NCAPG: variants seen among roughly 807,000 people sequenced by gnomAD.
NCAPG encodes non-SMC condensin I complex subunit G, also known as condensin complex subunit 3.
A neutral mutation model predicts 113.1 loss-of-function variants in NCAPG; 69 were observed. That is an observed-to-expected ratio of 0.61 (90% CI 0.50 to 0.75). NCAPG has a LOEUF of 0.75. Ranked by LOEUF, NCAPG falls within the 30% of genes least tolerant of loss-of-function variation. The pLI, the probability that NCAPG is intolerant of heterozygous loss-of-function variation, is 0.00. For synonymous variants in NCAPG, 370 were observed against 415.8 expected, an observed-to-expected ratio of 0.89 and a Z score of 1.34; for missense variants, 1,058 against 1,177.0, an observed-to-expected ratio of 0.90 and a Z score of 1.48.
At chr4:17,836,782 C>CT (rs1722114322) in intron 14 of NCAPG, among the ~76,000 whole-genome samples, 1 of 152,156 alleles carries the variant, frequency 6.6e-6, no homozygotes, top group Non-Finnish European at 1.5e-5. Flanking sequence ...GGAGCTTTTG[C>CT]TTATAGATAG....
rs1424298788 is a variant in NCAPG at position 17,844,412 on chromosome 4, G to T, written c.*987G>T. ...CTTTTTTTAGGCTTATCATCTACTA[G>T]AGGCCATTTACTTAAGGTGAAATTT... On this transcript the variant is annotated 3_prime_UTR_variant, in exon 21 of 21. Transcript: ENST00000251496. 1 of 152,292 alleles carries T rather than the reference G, an allele frequency of 6.6e-6. No individual in the cohort carries two copies. Among genetic ancestry groups the T allele is most frequent in the African/African-American group, 2.4e-5 (1 of 41,378 alleles). 9.4% of individuals were successfully genotyped at this position (152,292 alleles called of 1,614,324 possible). A position where few individuals can be genotyped will look rare whatever the true frequency, so the allele number is the denominator to read the frequency against.
At chr4:17,842,460 C>A (rs975322716) in intron 20 of NCAPG, 81 bp downstream of exon 20, 9 of 1,093,324 alleles carry the variant, frequency 8.2e-6, no homozygotes, top group South Asian at 1.3e-5. Context: ...AATTTTCTTG[C>A]GAATGAGAGA....
intron 5 of NCAPG, among the ~76,000 whole-genome samples, chr4:17,815,906 T>G (rs1200886487): frequency 1.3e-5 from 2 of 152,120 alleles, no homozygotes; most frequent in Non-Finnish European, 2.9e-5. Context: ...TACTTAAGTC[T>G]GTAGAGCTAA....
intron 11 of NCAPG, among the ~76,000 whole-genome samples, chr4:17,825,991 A>G (rs1232976282): frequency 6.6e-6 from 1 of 152,080 alleles, no homozygotes; most frequent in African/African-American, 2.4e-5. Context: ...TTTAAAGCTA[A>G]ATTACTTTTG....
intron 3 of NCAPG, among the ~76,000 whole-genome samples, chr4:17,814,517 AG>A (rs1721117703): frequency 1.3e-5 from 2 of 152,256 alleles, no homozygotes; most frequent in African/African-American, 4.8e-5. Context: ...TGGATTGCAG[AG>A]GTGTGGCCTC....
Position 17,812,920 on chromosome 4 carries a change from C to T in NCAPG, c.319C>T (p.His107Tyr). Reference sequence around the variant, plus strand: ...TTTTGATTTGTTTCTGTTTTAGTCTCATGAAGCAAACAGCAATGCAGTGAG... The same window carrying T: ...TTTTGATTTGTTTCTGTTTTAGTCTTATGAAGCAAACAGCAATGCAGTGAG... ...NYLFTFLLKS[H>Y]EANSNAVRFR... Residue 107 changes from histidine to tyrosine, a missense_variant, in exon 3 of 21, where the codon CAT (histidine) becomes TAT (tyrosine). Transcript: ENST00000251496. 1 of 1,613,242 alleles carries T rather than the reference C, an allele frequency of 6.2e-7. No homozygotes were observed. Among genetic ancestry groups the T allele is most frequent in the Non-Finnish European group, 8.5e-7 (1 of 1,179,484 alleles).
rs1201388046 is a variant in NCAPG, at chr4:17,839,827, A to G, written c.2618A>G (p.Glu873Gly). 7.0e-6 allele frequency: 11 copies of G among 1,581,274 alleles called. No homozygotes were observed. Among genetic ancestry groups the G allele is most frequent in the Non-Finnish European group, 9.4e-6 (11 of 1,172,244 alleles). ...AAAGATCTTCTGGTTCTATTGAATG[A>G]GATTCTGGAGGTAAAGTAGTTTCTC... ...LAKDLLVLLN[E>G]ILEQVKDRTC... Residue 873 changes from glutamate to glycine, a missense_variant, in exon 17 of 21, where the codon GAG becomes GGG. By Grantham distance (98) the Glu-to-Gly change is moderately conservative. Transcript: ENST00000251496.
chr4:17,837,139 A>T lies in NCAPG; in HGVS notation c.2110-20A>T. The stretch of plus-strand genomic sequence containing the variant: ...AGGAGATACAAATAAATTTCTTCTA[A>T]TGAATGTCATCTTTGTTAGGTATCT... On this transcript the variant is annotated intron_variant, in intron 14 of 20. Coordinates refer to ENST00000251496, the MANE Select transcript of NCAPG (RefSeq NM_022346.5). 6.2e-7 allele frequency: 1 copy of T among 1,608,340 alleles called. No individual in the cohort carries two copies. The highest frequency in any genetic ancestry group is 8.5e-7 in the Non-Finnish European group (1 of 1,176,882).
At chr4:17,822,025 G>A (rs1721475848) in intron 7 of NCAPG, among the ~76,000 whole-genome samples, 1 of 152,018 alleles carries the variant, frequency 6.6e-6, no homozygotes, top group African/African-American at 2.4e-5. Context: ...GGTGTATACA[G>A]AGATTAGTAG....
chr4:17,812,159 T>C (rs980762319), intron 1 of NCAPG, 62 bp from the exon 2 acceptor site: 1 of 1,205,696 alleles, frequency 8.3e-7, no homozygotes, highest in Admixed American at 1.9e-5. Flanking sequence ...AGTCTTAGGG[T>C]GATGTTGGGA....
At chr4:17,813,442 ATCTT>A (rs1721077263) in intron 3 of NCAPG, 1 of 192,756 alleles carries the variant, frequency 5.2e-6, no homozygotes, top group South Asian at 1.4e-4. Flanking sequence ...ACATATGTCT[ATCTT>A]AATGTTTTCC....
At chr4:17,812,088 T>C (rs1395371) in intron 1 of NCAPG, 133 bp from the exon 2 acceptor site, 135,986 of 705,774 alleles carry the variant, frequency 0.19, 16,017 homozygotes, top group East Asian at 0.49. Flanking sequence ...GTTTGGATAA[T>C]TAAGAGTTTA....
chr4:17,820,756 C>A (rs537313021), intron 7 of NCAPG, among the ~76,000 whole-genome samples: 1 of 152,054 alleles, frequency 6.6e-6, no homozygotes, highest in Non-Finnish European at 1.5e-5. Context: ...AAAATTGTTT[C>A]CTGATAATCT....
intron 7 of NCAPG, among the ~76,000 whole-genome samples, chr4:17,821,357 G>A (rs1358603648): frequency 6.6e-6 from 1 of 151,438 alleles, no homozygotes; most frequent in Non-Finnish European, 1.5e-5. Flanking sequence ...AGAAATTTAT[G>A]AGCTTTTATT....
At chr4:17,827,652 A>G (rs1298618184) in intron 11 of NCAPG, among the ~76,000 whole-genome samples, 5 of 152,102 alleles carry the variant, frequency 3.3e-5, no homozygotes, top group African/African-American at 1.2e-4. Flanking sequence ...GTTGAGTTTG[A>G]GGAAACTGTG....
Position 17,814,854 on chromosome 4 carries a change from A to G in NCAPG, c.546A>G (p.Ala182=), listed in dbSNP as rs1368547863. The G allele has an allele frequency of 3.7e-6, 6 of 1,613,496 alleles. No individual in the cohort carries two copies. Among genetic ancestry groups the G allele is most frequent in the Admixed American group, 1.7e-5 (1 of 59,986 alleles). The change falls in exon 4 of 21, where the codon GCA becomes GCG. Residue 182 remains alanine (A), a splice_region_variant and synonymous_variant. Coordinates refer to ENST00000251496, the MANE Select transcript of NCAPG (RefSeq NM_022346.5). ...TAAAATGTATTGCTTTATTTTTAGCATATGCTACTTTGATTGAAAATGATT... is the reference window on the plus strand; with the variant it reads ...TAAAATGTATTGCTTTATTTTTAGCGTATGCTACTTTGATTGAAAATGATT... ...PKDDECPVVN[A]YATLIENDSN...
At chr4:17,819,407 A>AT (rs11430673) in intron 7 of NCAPG, among the ~76,000 whole-genome samples, 17,772 of 145,112 alleles carry the variant, frequency 0.12, 1,170 homozygotes, top group South Asian at 0.25. Flanking sequence ...TTTATGGTTT[A>AT]TTTTTTTTTT....
In NCAPG at chr4:17,838,883, T is replaced by A. The variant is rs971917325; in HGVS notation, c.2467-793T>A. Among the ~76,000 whole-genome samples the A allele has an allele frequency of 2.6e-4, 40 of 152,150 alleles. 1 individual carries two copies. The highest frequency in any genetic ancestry group is 9.4e-4 in the African/African-American group (39 of 41,434). Reference sequence around the variant, plus strand: ...GTGGTGGTTATATGAGATGAATTGGTGAGCAGAAAGAAAAGAATATTAATA... The same window carrying A: ...GTGGTGGTTATATGAGATGAATTGGAGAGCAGAAAGAAAAGAATATTAATA... On this transcript the variant is annotated intron_variant, in intron 16 of 20. Transcript: ENST00000251496.
chr4:17,813,815 T>C (rs1721091843), intron 3 of NCAPG, among the ~76,000 whole-genome samples: 1 of 152,142 alleles, frequency 6.6e-6, no homozygotes, highest in South Asian at 2.1e-4. Context: ...ATAAAGGTAG[T>C]TGTATTTCAT....
Sources: gnomAD v4.1 joint callset for allele counts (sites outside exome capture counted in the v4.1 genomes callset) on GRCh38, gnomAD v4.1.1 for gene constraint, MANE v1.5 for transcripts, NCBI Gene and HGNC (gene_info 2026-07-23, HGNC 2026-07-21) for gene names.